Variants in DNAJC8 observed in about 807,000 individuals in gnomAD.
The protein encoded by DNAJC8 is DnaJ heat shock protein family (Hsp40) member C8.
A neutral mutation model predicts 43.2 loss-of-function variants in DNAJC8; 24 were observed. The ratio of observed to expected loss-of-function variants is 0.56; its 90% CI spans 0.40 to 0.78. The LOEUF is 0.78. Ranked by LOEUF, DNAJC8 falls within the 30% of genes least tolerant of loss-of-function variation. The pLI, the probability that DNAJC8 is intolerant of heterozygous loss-of-function variation, is 0.00. For synonymous variants in DNAJC8, 83 were observed against 98.0 expected, an observed-to-expected ratio of 0.85 and a Z score of 0.90; for missense variants, 207 against 299.4, an observed-to-expected ratio of 0.69 and a Z score of 2.28.
intron 6 of DNAJC8, among the ~76,000 whole-genome samples, chr1:28,206,083 T>C (rs1464729428): frequency 1.3e-5 from 2 of 152,044 alleles, no homozygotes; most frequent in African/African-American, 4.8e-5. Context: ...TCCCAGCTAC[T>C]CAGAAGGCTG....
At chr1:28,215,673 G>GT (rs1646847630) in intron 2 of DNAJC8, among the ~76,000 whole-genome samples, 1 of 151,742 alleles carries the variant, frequency 6.6e-6, no homozygotes, top group African/African-American at 2.4e-5. Context: ...GAGTAGCTGG[G>GT]ATTACAGGCA....
chr1:28,225,520 A>C (rs887108116), intron 2 of DNAJC8, among the ~76,000 whole-genome samples: 3 of 151,136 alleles, frequency 2.0e-5, no homozygotes, highest in African/African-American at 7.3e-5. Context: ...GCAAATTCAT[A>C]GACAAAGTAG....
In DNAJC8 at chr1:28,201,302, C is replaced by A. The variant is rs1476702073; in HGVS notation, c.708G>T (p.Lys236Asn). Residue 236 changes from lysine to asparagine, a missense_variant, in exon 9 of 9, where the codon AAG (lysine) becomes AAT (asparagine). This residue lies in a region of DNAJC8 where 159 missense variants were observed against 267.5 expected (regional missense o/e 0.59). Coordinates refer to ENST00000263697, the MANE Select transcript of DNAJC8 (RefSeq NM_014280.3). Reference protein sequence around the residue: ...FQANTKGKKEKKNRTFLRPPK... With the variant: ...FQANTKGKKENKNRTFLRPPK... ...GTGGTCTCAGGAAGGTCCGATTTTT[C>A]TTCTCTTTCTTCCCCTTCGTATTGG... is the stretch of plus-strand genomic sequence containing the variant. 1 of 1,613,056 alleles carries A rather than the reference C, an allele frequency of 6.2e-7. No homozygotes were observed. The highest frequency in any genetic ancestry group is 8.5e-7 in the Non-Finnish European group (1 of 1,180,014).
chr1:28,210,516 G>T, intron 4 of DNAJC8, 55 bp downstream of exon 4: 1 of 1,474,090 alleles, frequency 6.8e-7, no homozygotes, highest in Non-Finnish European at 9.5e-7. Context: ...ACAAGGAACA[G>T]TTAGGCCCTG....
At chr1:28,226,807 T>C (rs1323603891) in intron 2 of DNAJC8, among the ~76,000 whole-genome samples, 1 of 151,304 alleles carries the variant, frequency 6.6e-6, no homozygotes, top group Non-Finnish European at 1.5e-5. Flanking sequence ...CCTCAGTATT[T>C]GAGAATTCTT....
At chr1:28,216,103 C>A (rs967258888) in intron 2 of DNAJC8, among the ~76,000 whole-genome samples, 12 of 151,974 alleles carry the variant, frequency 7.9e-5, no homozygotes, top group Non-Finnish European at 1.3e-4. Context: ...AATCCCAGTA[C>A]TTTGGGAGGC....
chr1:28,218,865 A>G (rs939865909), intron 2 of DNAJC8, among the ~76,000 whole-genome samples: 5 of 152,224 alleles, frequency 3.3e-5, no homozygotes, highest in Non-Finnish European at 5.9e-5. Context: ...TAGGAAGAGC[A>G]AAGTCACATA....
intron 2 of DNAJC8, among the ~76,000 whole-genome samples, chr1:28,216,520 A>C (rs527949262): frequency 5.9e-5 from 9 of 152,300 alleles, no homozygotes; most frequent in Admixed American, 1.3e-4. Flanking sequence ...AATCATGCCA[A>C]ATGTAATTCA....
At position 28,216,622 on chromosome 1, in the gene DNAJC8, G is replaced by A. The variant is rs1450834641; in HGVS notation, c.181-1626C>T. 2.6e-5 allele frequency among the ~76,000 whole-genome samples: 4 copies of A among 151,974 alleles called. No individual in the cohort carries two copies. The East Asian group carries it at 7.7e-4, about 29-fold the overall frequency. On this transcript the variant is annotated intron_variant, in intron 2 of 8. Coordinates refer to ENST00000263697, the MANE Select transcript of DNAJC8 (RefSeq NM_014280.3). ...ATGGGATATATACAGACAGTAAAAT[G>A]GTTATAGTGGTTCTTGAGTTAAAAA...
At chr1:28,217,447 C>T (rs2149019682) in intron 2 of DNAJC8, among the ~76,000 whole-genome samples, 1 of 152,088 alleles carries the variant, frequency 6.6e-6, no homozygotes, top group Non-Finnish European at 1.5e-5. Context: ...ATGGAGAAAC[C>T]CCGTCTCTAC....
chr1:28,219,914 C>T (rs1288843088), intron 2 of DNAJC8, among the ~76,000 whole-genome samples: 1 of 152,132 alleles, frequency 6.6e-6, no homozygotes, highest in East Asian at 1.9e-4. Context: ...TGAACTCAGG[C>T]AATCTGCTCA....
chr1:28,216,933 C>T (rs1043486835), intron 2 of DNAJC8, among the ~76,000 whole-genome samples: 1 of 150,958 alleles, frequency 6.6e-6, no homozygotes, highest in African/African-American at 2.4e-5. Flanking sequence ...CTCAGACTCT[C>T]GAGTAGCTGG....
chr1:28,226,787 GAGT>G, intron 2 of DNAJC8, among the ~76,000 whole-genome samples: 1 of 151,250 alleles, frequency 6.6e-6, no homozygotes, highest in Non-Finnish European at 1.5e-5. Flanking sequence ...CTCATGACTA[GAGT>G]AAGTTTCCTC....
At chr1:28,230,056 T>C (rs1283972799) in intron 1 of DNAJC8, 1 of 151,930 alleles carries the variant, frequency 6.6e-6, no homozygotes, top group Non-Finnish European at 1.5e-5. Flanking sequence ...GAGACAAGCC[T>C]GGGCAACATG....
At chr1:28,225,944 T>G (rs1009788050) in intron 2 of DNAJC8, among the ~76,000 whole-genome samples, 5 of 150,544 alleles carry the variant, frequency 3.3e-5, no homozygotes, top group African/African-American at 1.2e-4. Context: ...CCTAAAGTGA[T>G]CCTCCCACCT....
intron 2 of DNAJC8, among the ~76,000 whole-genome samples, chr1:28,225,984 G>A (rs1166966087): frequency 2.0e-5 from 3 of 150,770 alleles, no homozygotes; most frequent in South Asian, 2.1e-4. Flanking sequence ...GATTACAGGC[G>A]TGAGCCACCA....
At chr1:28,220,085 TAAC>T (rs1342337062) in intron 2 of DNAJC8, among the ~76,000 whole-genome samples, 2 of 152,232 alleles carry the variant, frequency 1.3e-5, no homozygotes, top group African/African-American at 4.8e-5. Context: ...CATTAAGTGT[TAAC>T]AACACCTGGA....
chr1:28,205,487 A>C, intron 6 of DNAJC8, 138 bp from the exon 7 acceptor site: 1 of 612,790 alleles, frequency 1.6e-6, no homozygotes, highest in Non-Finnish European at 2.8e-6. Flanking sequence ...CACATCTGTA[A>C]TTCCAACACT....
intron 2 of DNAJC8, among the ~76,000 whole-genome samples, chr1:28,221,484 G>C (rs894328809): frequency 1.3e-5 from 2 of 152,050 alleles, no homozygotes; most frequent in African/African-American, 4.8e-5. Context: ...GAGAACAAAG[G>C]CTACAGGGCA....
Sources: allele counts gnomAD v4.1 joint callset (sites outside exome capture counted in the v4.1 genomes callset), GRCh38; gene constraint gnomAD v4.1.1; regional missense constraint gnomAD v4.1.1; transcripts MANE v1.5; gene names NCBI Gene and HGNC (gene_info 2026-07-23, HGNC 2026-07-21).